CAPN8: variants seen among roughly 807,000 people sequenced by gnomAD.
CAPN8 encodes the protein calpain-8.
A neutral mutation model predicts 80.9 loss-of-function variants in CAPN8; 87 were observed. The ratio of observed to expected loss-of-function variants is 1.07; its 90% CI spans 0.90 to 1.28. The LOEUF (loss-of-function observed/expected upper bound fraction) is 1.28, where lower values mean the gene tolerates loss of function less well. Among genes scored for constraint, CAPN8 ranks in the 50% most tolerant of loss-of-function variants. The pLI, the probability that CAPN8 is intolerant of heterozygous loss-of-function variation, is 0.00. For missense variants in CAPN8, 757 were observed against 702.0 expected (o/e 1.08, Z -0.89); for synonymous variants, 299 against 273.8 (o/e 1.09, Z -0.91).
At chr1:223,630,579 T>C (rs1657745500) in intron 2 of CAPN8, among the ~76,000 whole-genome samples, 1 of 151,928 alleles carries the variant, frequency 6.6e-6, no homozygotes, top group Non-Finnish European at 1.5e-5. Flanking sequence ...CAAGTGATCC[T>C]CCCATCTTAG....
At chr1:223,611,449 A>G (rs549505386) in intron 11 of CAPN8, among the ~76,000 whole-genome samples, 2 of 152,320 alleles carry the variant, frequency 1.3e-5, no homozygotes, top group South Asian at 4.1e-4. Context: ...TAATTTGCAT[A>G]TAATTAAAAG....
chr1:223,631,955 G>A (rs1657785961), intron 2 of CAPN8, among the ~76,000 whole-genome samples: 1 of 152,140 alleles, frequency 6.6e-6, no homozygotes. Flanking sequence ...CTGGCTCCCG[G>A]TCTAAGCTTC....
chr1:223,664,297 C>A (rs558578244), intron 1 of CAPN8, among the ~76,000 whole-genome samples: 5 of 152,200 alleles, frequency 3.3e-5, no homozygotes, highest in Non-Finnish European at 5.9e-5. Context: ...CATGACCTTG[C>A]GCAACCGTGC....
chr1:223,643,560 G>A (rs951478190), intron 2 of CAPN8, among the ~76,000 whole-genome samples: 2 of 152,250 alleles, frequency 1.3e-5, no homozygotes, highest in South Asian at 4.1e-4. Context: ...TGTGAAAAGA[G>A]ATAGAAAGGA....
chr1:223,558,744 G>A (rs1656959549), intron 12 of CAPN8, among the ~76,000 whole-genome samples: 1 of 151,414 alleles, frequency 6.6e-6, no homozygotes, highest in South Asian at 2.1e-4. Context: ...TGATGTGTGT[G>A]GTGTGCACAT....
intron 1 of CAPN8, among the ~76,000 whole-genome samples, chr1:223,656,432 C>A (rs1000859087): frequency 1.3e-5 from 2 of 151,970 alleles, no homozygotes; most frequent in Non-Finnish European, 2.9e-5. Flanking sequence ...TGCACTCCAG[C>A]TTGGGCAACA....
intron 13 of CAPN8, among the ~76,000 whole-genome samples, chr1:223,556,999 C>T (rs1172507181): frequency 2.6e-5 from 4 of 152,244 alleles, no homozygotes; most frequent in African/African-American, 9.6e-5. Context: ...ACAGAAAGGG[C>T]CTCTGGCGCC....
At position 223,553,881 on chromosome 1, in the gene CAPN8, T is replaced by A; in HGVS notation, c.1592A>T (p.Asp531Val). ...CCTCCTGAACTGGTCATCTTCCTGA[T>A]CCACCTCACTGGGATGTGGCTAAAA... ...NPYEPHPSEV[D>V]QEDDQFRRLF... The change falls in exon 14 of 21, where the codon GAT becomes GTT. Residue 531 changes from aspartate to valine, a missense_variant. Transcript: ENST00000366872. The A allele has an allele frequency of 2.5e-6, 1 of 398,626 alleles. No homozygotes were observed. Among genetic ancestry groups the A allele is most frequent in the Non-Finnish European group, 4.4e-6 (1 of 226,070 alleles). 24.7% of individuals were successfully genotyped at this position (398,626 alleles called of 1,614,324 possible).
At position 223,544,167 on chromosome 1, in the gene CAPN8, G is replaced by A. The variant is rs1332124140; in HGVS notation, c.1929C>T (p.Ser643=). The A allele has an allele frequency of 8.4e-6, 6 of 718,122 alleles. No individual in the cohort carries two copies. Among genetic ancestry groups the A allele is most frequent in the South Asian group, 1.5e-5 (1 of 67,592 alleles). The allele number at this position is 718,122 out of a possible 1,614,324, so 44.5% of individuals were successfully genotyped here. A position where few individuals can be genotyped will look rare whatever the true frequency, so the allele number is the denominator to read the frequency against. Residue 643 remains serine (S), a synonymous_variant, in exon 19 of 21, where the codon AGC becomes AGT. Transcript: ENST00000366872. ...ALRKAGFTLN[S]QVQQTIALRY... ...GCAGGGCAATGGTCTGCTGCACCTG[G>A]CTGTTGAGGGTGAAACCTGAGGGCA...
At chr1:223,635,101 C>T (rs1657880543) in intron 2 of CAPN8, among the ~76,000 whole-genome samples, 1 of 152,188 alleles carries the variant, frequency 6.6e-6, no homozygotes, top group African/African-American at 2.4e-5. Flanking sequence ...TTTGACCCTG[C>T]TAATATATGC....
At chr1:223,644,771 C>T (rs1474970093) in intron 2 of CAPN8, among the ~76,000 whole-genome samples, 1 of 152,096 alleles carries the variant, frequency 6.6e-6, no homozygotes, top group African/African-American at 2.4e-5. Flanking sequence ...CTCTGGTTTG[C>T]CACAGTCCCT....
chr1:223,630,749 C>T (rs61825214), intron 2 of CAPN8, among the ~76,000 whole-genome samples: 46,825 of 151,536 alleles, frequency 0.31, 7,501 homozygotes, highest in Admixed American at 0.38. Flanking sequence ...CAACAGGGCT[C>T]CTAGGTGAGA....
At chr1:223,658,771 A>C (rs1658562787) in intron 1 of CAPN8, among the ~76,000 whole-genome samples, 1 of 152,088 alleles carries the variant, frequency 6.6e-6, no homozygotes, top group Admixed American at 6.5e-5. Flanking sequence ...GCGCCACCGC[A>C]CTCCAGCCTG....
chr1:223,613,740 A>T (rs779095538), intron 10 of CAPN8, among the ~76,000 whole-genome samples: 13 of 152,238 alleles, frequency 8.5e-5, no homozygotes, highest in Non-Finnish European at 1.9e-4. Flanking sequence ...GCTGCTTCTC[A>T]GTCAGCAGCA....
At chr1:223,545,161 A>G (rs1656586318) in intron 17 of CAPN8, 70 bp downstream of exon 17, 12 of 1,550,356 alleles carry the variant, frequency 7.7e-6, no homozygotes, top group Middle Eastern at 1.7e-4. Context: ...TCAGAATACA[A>G]TGGACCAGGA....
At position 223,656,346 on chromosome 1, in the gene CAPN8, G is replaced by A. The variant is rs142764222; in HGVS notation, c.238-1947C>T. 5.8e-3 allele frequency among the ~76,000 whole-genome samples: 882 copies of A among 152,062 alleles called. 11 individuals are homozygous for A. Among genetic ancestry groups the A allele is most frequent in the African/African-American group, 0.018 (767 of 41,498 alleles). ...TAGCCCGGCATGGTGGTGCGCCCCC[G>A]TAATCCCAGCTACTCAGGAGGCTGA... On this transcript the variant is annotated intron_variant, in intron 1 of 20. Coordinates refer to ENST00000366872, the MANE Select transcript of CAPN8 (RefSeq NM_001143962.2).
At chr1:223,549,282 TAA>T (rs34630115) in intron 16 of CAPN8, 34 bp downstream of exon 16, 9,875 of 1,387,192 alleles carry the variant, frequency 7.1e-3, no homozygotes, top group Admixed American at 0.01. Flanking sequence ...CGGACGAAAG[TAA>T]AAAAAAAAAA....
intron 1 of CAPN8, among the ~76,000 whole-genome samples, chr1:223,656,151 TGAC>T (rs1030602101): frequency 4.1e-5 from 6 of 144,632 alleles, no homozygotes; most frequent in African/African-American, 1.5e-4. Context: ...TCCTCTGGGC[TGAC>T]TTTTTTTTTT....
At chr1:223,616,639 C>T (rs1413584296) in intron 9 of CAPN8, among the ~76,000 whole-genome samples, 1 of 152,192 alleles carries the variant, frequency 6.6e-6, no homozygotes, top group Non-Finnish European at 1.5e-5. Flanking sequence ...CTCCGTGACA[C>T]TATTAAGACA....
Sources: allele counts gnomAD v4.1 joint callset (sites outside exome capture counted in the v4.1 genomes callset), GRCh38; gene constraint gnomAD v4.1.1; transcripts MANE v1.5; gene names NCBI Gene and HGNC (gene_info 2026-07-23, HGNC 2026-07-21).